The following NR5A2 variants were observed in gnomAD, a reference collection of about 807,000 sequenced individuals.
NR5A2 encodes the protein CYP7A promoter-binding factor.
Under a neutral mutation model 62.7 loss-of-function variants are expected in NR5A2, and 26 were observed. That is an observed-to-expected ratio of 0.41 (90% confidence interval 0.30 to 0.58). The LOEUF is 0.58. NR5A2 is among the 20% of genes least tolerant of loss of function. The pLI is 0.22. For missense variants in NR5A2, 541 were observed against 669.1 expected, an observed-to-expected ratio of 0.81 and a Z score of 2.11; for synonymous variants, 246 against 241.7, an observed-to-expected ratio of 1.02 and a Z score of -0.16.
chr1:200,058,225 T>C (rs1663015836), intron 5 of NR5A2: 1 of 152,220 alleles, frequency 6.6e-6, no homozygotes, highest in Non-Finnish European at 1.5e-5. Flanking sequence ...GGTTCAGTAG[T>C]GTTGTTTTTT....
At chr1:200,061,062 G>A (rs1663190763) in intron 5 of NR5A2, among the ~76,000 whole-genome samples, 1 of 146,780 alleles carries the variant, frequency 6.8e-6, no homozygotes. Flanking sequence ...GAAGGTTGCA[G>A]TGAGCCAAGA....
chr1:200,153,088 C>T (rs541245199), intron 7 of NR5A2, among the ~76,000 whole-genome samples: 3 of 152,282 alleles, frequency 2.0e-5, no homozygotes, highest in South Asian at 4.1e-4. Flanking sequence ...CTCTTGCTTT[C>T]GTTTATTCCT....
chr1:200,036,849 T>G (rs1387671549), intron 1 of NR5A2, among the ~76,000 whole-genome samples: 2 of 152,192 alleles, frequency 1.3e-5, no homozygotes, highest in African/African-American at 4.8e-5. Context: ...CTGCTACGCT[T>G]AGGTTTTGGC....
At chr1:200,150,805 G>T (rs1251967575) in intron 7 of NR5A2, among the ~76,000 whole-genome samples, 1 of 152,158 alleles carries the variant, frequency 6.6e-6, no homozygotes, top group Non-Finnish European at 1.5e-5. Flanking sequence ...AATCACATAA[G>T]AAGAACATCA....
rs61819924 is a variant in NR5A2 at position 200,081,735 on chromosome 1, C to T, written c.1111-29467C>T. On this transcript the variant is annotated intron_variant, in intron 5 of 7. Coordinates refer to ENST00000367362, the MANE Select transcript of NR5A2 (RefSeq NM_205860.3). ...CAGCATGAAGCCAACATAAACTTGC[C>T]TGAGTATTATTCAACCTGAAACATA... 6.9e-3 allele frequency among the ~76,000 whole-genome samples: 1,038 copies of T among 151,432 alleles called. 6 individuals are homozygous for T. Among genetic ancestry groups the T allele is most frequent in the Admixed American group, 0.012 (187 of 15,184 alleles).
intron 7 of NR5A2, among the ~76,000 whole-genome samples, chr1:200,141,224 CT>C (rs1667430943): frequency 6.6e-6 from 1 of 152,160 alleles, no homozygotes; most frequent in South Asian, 2.1e-4. Context: ...TGATACAGAA[CT>C]TTTTCATCAC....
intron 5 of NR5A2, among the ~76,000 whole-genome samples, chr1:200,052,710 T>C (rs755526650): frequency 3.2e-4 from 48 of 152,130 alleles, no homozygotes; most frequent in South Asian, 1.2e-3. Context: ...GGTGCGATCT[T>C]GGCTCATTGC....
At chr1:200,043,177 C>A (rs1252992706) in intron 2 of NR5A2, among the ~76,000 whole-genome samples, 1 of 152,192 alleles carries the variant, frequency 6.6e-6, no homozygotes, top group Non-Finnish European at 1.5e-5. Context: ...ACTGTCAATA[C>A]GGAACTGAAT....
At chr1:200,113,459 T>A (rs375934897) in intron 6 of NR5A2, among the ~76,000 whole-genome samples, 34 of 152,368 alleles carry the variant, frequency 2.2e-4, no homozygotes, top group African/African-American at 7.9e-4. Context: ...TTTATCTCTG[T>A]GCTTCTTGCG....
chr1:200,062,753 C>T (rs990659306), intron 5 of NR5A2, among the ~76,000 whole-genome samples: 1 of 152,154 alleles, frequency 6.6e-6, no homozygotes. Flanking sequence ...ATAGATCTTA[C>T]AGAGCAAATG....
At chr1:200,169,773 T>C (rs148469060) in intron 7 of NR5A2, among the ~76,000 whole-genome samples, 1 of 152,370 alleles carries the variant, frequency 6.6e-6, no homozygotes, top group African/African-American at 2.4e-5. Context: ...GATGCCTCTG[T>C]CTGTTTACAT....
intron 7 of NR5A2, among the ~76,000 whole-genome samples, chr1:200,125,240 G>T (rs1320679372): frequency 6.6e-6 from 1 of 152,172 alleles, no homozygotes; most frequent in African/African-American, 2.4e-5. Flanking sequence ...AAGATGATAG[G>T]CTTTCAGCCC....
At chr1:200,060,124 C>A (rs1206586518) in intron 5 of NR5A2, among the ~76,000 whole-genome samples, 1 of 152,152 alleles carries the variant, frequency 6.6e-6, no homozygotes, top group African/African-American at 2.4e-5. Flanking sequence ...TTTTCTTTAT[C>A]TTCTCCTCTC....
At chr1:200,161,594 T>G (rs1240087124) in intron 7 of NR5A2, among the ~76,000 whole-genome samples, 1 of 152,156 alleles carries the variant, frequency 6.6e-6, no homozygotes, top group Non-Finnish European at 1.5e-5. Flanking sequence ...ACATCAAACA[T>G]ATCAAATGGT....
chr1:200,047,018 T>C (rs2821367), intron 4 of NR5A2, among the ~76,000 whole-genome samples: 65,089 of 152,004 alleles, frequency 0.43, 16,950 homozygotes, highest in African/African-American at 0.73. Context: ...TTCTGTATAC[T>C]TAGAATTTAC....
chr1:200,095,635 C>T (rs1465474394), intron 5 of NR5A2, among the ~76,000 whole-genome samples: 1 of 152,066 alleles, frequency 6.6e-6, no homozygotes, highest in East Asian at 1.9e-4. Context: ...TCACTCCAAG[C>T]TCCACCTCCT....
At chr1:200,058,875 C>T (rs989704448) in intron 5 of NR5A2, among the ~76,000 whole-genome samples, 11 of 147,946 alleles carry the variant, frequency 7.4e-5, no homozygotes, top group Middle Eastern at 3.2e-3. Flanking sequence ...TTTAGGAGGC[C>T]GAGGTGGGAG....
At chr1:200,074,630 G>A (rs1307148608) in intron 5 of NR5A2, among the ~76,000 whole-genome samples, 3 of 149,948 alleles carry the variant, frequency 2.0e-5, no homozygotes, top group East Asian at 2.0e-4. Context: ...CCAGCTACTC[G>A]GGAAGCTGAG....
At chr1:200,076,506 C>T (rs1482725582) in intron 5 of NR5A2, among the ~76,000 whole-genome samples, 6 of 146,288 alleles carry the variant, frequency 4.1e-5, no homozygotes, top group African/African-American at 1.5e-4. Flanking sequence ...TGTTTTAAAT[C>T]GCAGAGCATT....
Sources: allele counts gnomAD v4.1 joint callset (sites outside exome capture counted in the v4.1 genomes callset), GRCh38; gene constraint gnomAD v4.1.1; transcripts MANE v1.5; gene names NCBI Gene and HGNC (gene_info 2026-07-23, HGNC 2026-07-21).